MLPH: variants seen among roughly 807,000 people sequenced by gnomAD.
MLPH encodes exophilin-3.
MLPH carries 51 observed loss-of-function variants against 72.1 expected under a neutral mutation model. The ratio of observed to expected loss-of-function variants is 0.71; its 90% CI spans 0.56 to 0.89. The LOEUF is 0.89. MLPH is among the 40% of genes least tolerant of loss of function. MLPH has a pLI of 0.00. For synonymous variants in MLPH, 301 were observed against 310.1 expected, an observed-to-expected ratio of 0.97 and a Z score of 0.31; for missense variants, 743 against 759.9, an observed-to-expected ratio of 0.98 and a Z score of 0.26.
intron 8 of MLPH, 23 bp downstream of exon 8, chr2:237,527,539 C>T: frequency 6.2e-7 from 1 of 1,613,934 alleles, no homozygotes; most frequent in South Asian, 1.1e-5. Flanking sequence ...GGAAAGACTT[C>T]TGTCTTGTCG....
intron 8 of MLPH, among the ~76,000 whole-genome samples, chr2:237,534,254 C>G (rs1049224377): frequency 1.2e-4 from 18 of 152,214 alleles, no homozygotes; most frequent in African/African-American, 3.6e-4. Flanking sequence ...TGGCTGTCCA[C>G]AGTAATGACA....
intron 2 of MLPH, among the ~76,000 whole-genome samples, chr2:237,496,297 T>TG (rs1188603851): frequency 2.0e-5 from 3 of 152,170 alleles, no homozygotes; most frequent in Non-Finnish European, 4.4e-5. Flanking sequence ...AAGTGGGGCC[T>TG]GGGGGTCCCG....
At chr2:237,490,362 G>A (rs73098871) in intron 1 of MLPH, among the ~76,000 whole-genome samples, 4,122 of 152,258 alleles carry the variant, frequency 0.027, 75 homozygotes, top group African/African-American at 0.051. Context: ...TTTGAAAGGG[G>A]ATAGAATGGG....
At chr2:237,546,352 G>C in intron 12 of MLPH, 1 of 523,578 alleles carries the variant, frequency 1.9e-6, no homozygotes. Flanking sequence ...GGTGATTGTG[G>C]AGTCTCAAGA....
chr2:237,525,703 G>T lies in MLPH; in HGVS notation c.778G>T (p.Glu260Ter). Reference protein sequence around the residue: ...GASGCHSHPEEQPTSISPSRH... With the variant: ...GASGCHSHPE ...CTCTGGGTGCCACTCCCATCCGGAA[G>T]AGCAGCCGACCAGCATCTCACCTTC... Residue 260 changes from glutamate (E) to a stop codon, truncating the protein, a stop_gained, in exon 7 of 16, where the codon GAG (glutamate) becomes TAG (stop). Coordinates refer to ENST00000264605, the MANE Select transcript of MLPH (RefSeq NM_024101.7). LOFTEE classifies it high-confidence loss of function. The T allele has an allele frequency of 2.5e-6, 4 of 1,614,218 alleles. No homozygotes were observed. Among genetic ancestry groups the T allele is most frequent in the Non-Finnish European group, 3.4e-6 (4 of 1,180,052 alleles).
intron 6 of MLPH, among the ~76,000 whole-genome samples, chr2:237,521,380 A>G (rs1434936812): frequency 6.6e-6 from 1 of 152,032 alleles, no homozygotes; most frequent in Non-Finnish European, 1.5e-5. Flanking sequence ...AGGGAGGAGG[A>G]GGTGAGGGGT....
rs2079919070 is a variant in MLPH, at chr2:237,512,183, C to T, written c.445+1082C>T. Among the ~76,000 whole-genome samples, 11 of 152,232 alleles carry T rather than the reference C, an allele frequency of 7.2e-5. No homozygotes were observed. Among genetic ancestry groups the T allele is most frequent in the Admixed American group, 5.2e-4 (8 of 15,288 alleles). ...CGTCCTCACCATGCCCCAGCCCAGGCGTCTCCCCCAGGCCTTCCTTCTGGA... is the reference window on the plus strand; with the variant it reads ...CGTCCTCACCATGCCCCAGCCCAGGTGTCTCCCCCAGGCCTTCCTTCTGGA... On this transcript the variant is annotated intron_variant, in intron 4 of 15. Transcript: ENST00000264605. This position sits in a 1 kb window ranked among gnomAD's most constrained non-coding sequence, Gnocchi z 5.5.
At chr2:237,516,267 C>T (rs192907506) in intron 4 of MLPH, among the ~76,000 whole-genome samples, 11 of 152,318 alleles carry the variant, frequency 7.2e-5, no homozygotes, top group Admixed American at 7.2e-4. Flanking sequence ...TTTCCTAAAT[C>T]ACTTGCCACA....
intron 4 of MLPH, among the ~76,000 whole-genome samples, chr2:237,513,198 A>G (rs2079944004): frequency 6.6e-6 from 1 of 152,158 alleles, no homozygotes. Context: ...CCAGCTAGTA[A>G]GTGGGCCTCT....
chr2:237,510,020 G>A lies in MLPH; in HGVS notation c.111-554G>A, dbSNP rs1365898868. On this transcript the variant is annotated intron_variant, in intron 2 of 15. Coordinates refer to ENST00000264605, the MANE Select transcript of MLPH (RefSeq NM_024101.7). The surrounding 1 kb of genome is among the most constrained non-coding windows in gnomAD (Gnocchi z 4.4). ...CTTTCCAATCAGTTCAACTTGGCAG[G>A]TTCACCAGGAAGCTGTGTTATTTAA... is the stretch of plus-strand genomic sequence containing the variant. 1 of 167,226 alleles carries A rather than the reference G, an allele frequency of 6.0e-6. No individual in the cohort carries two copies. 10.4% of individuals were successfully genotyped at this position (167,226 alleles called of 1,614,324 possible). A position where few individuals can be genotyped will look rare whatever the true frequency, so the allele number is the denominator to read the frequency against.
At chr2:237,550,926 A>C (rs1272578158) in intron 14 of MLPH, among the ~76,000 whole-genome samples, 1 of 151,824 alleles carries the variant, frequency 6.6e-6, no homozygotes, top group East Asian at 1.9e-4. Context: ...TGAAGGGTAG[A>C]CTCTGTCCTA....
intron 2 of MLPH, among the ~76,000 whole-genome samples, chr2:237,506,023 G>C (rs879527452): frequency 6.6e-6 from 1 of 152,104 alleles, no homozygotes; most frequent in African/African-American, 2.4e-5. Flanking sequence ...GTCTCCCATC[G>C]CTTAGTCCCT....
chr2:237,510,648 C>A lies in MLPH; in HGVS notation c.185C>A (p.Thr62Asn). The change falls in exon 3 of 16, where the codon ACC becomes AAC. Residue 62 changes from threonine (T) to asparagine (N), a missense_variant. Thr to Asn is a moderately conservative substitution (Grantham distance 65, BLOSUM62 0). Coordinates refer to ENST00000264605, the MANE Select transcript of MLPH (RefSeq NM_024101.7). The surrounding 1 kb of genome is among the most constrained non-coding windows in gnomAD (Gnocchi z 4.4). ...LLSDTAHLNETHCARCLQPYQ... is the reference protein window; with the variant it reads ...LLSDTAHLNENHCARCLQPYQ... The stretch of plus-strand genomic sequence containing the variant: ...TCCGACACTGCCCATCTGAACGAGA[C>A]CCACTGCGCCCGCTGCCTGCAGCCC... The A allele has an allele frequency of 6.2e-7, 1 of 1,613,792 alleles. No homozygotes were observed. The highest frequency in any genetic ancestry group is 8.5e-7 in the Non-Finnish European group (1 of 1,180,046).
intron 2 of MLPH, among the ~76,000 whole-genome samples, chr2:237,501,692 C>A (rs56905675): frequency 0.033 from 3,423 of 104,104 alleles, 53 homozygotes; most frequent in African/African-American, 0.051. Context: ...AAAAAAAATA[C>A]AAAAAAATTA....
In MLPH at chr2:237,532,940, G is replaced by A. The variant is rs748031372; in HGVS notation, c.1021-1624G>A. Among the ~76,000 whole-genome samples the A allele has an allele frequency of 5.9e-5, 9 of 152,160 alleles. 1 individual carries two copies. Among genetic ancestry groups the A allele is most frequent in the Non-Finnish European group, 1.2e-4 (8 of 68,042 alleles). ...GCTGAGAGATTGCAAAGACAGGAAG[G>A]CCTCTCAGCCCTTCTGCAGCCCGGC... On this transcript the variant is annotated intron_variant, in intron 8 of 15. Coordinates refer to ENST00000264605, the MANE Select transcript of MLPH (RefSeq NM_024101.7).
rs950916960 is a variant in MLPH at position 237,536,681 on chromosome 2, C to G, written c.1104+2034C>G. 2.0e-5 allele frequency among the ~76,000 whole-genome samples: 3 copies of G among 152,224 alleles called. No individual in the cohort carries two copies. The East Asian group carries it at 5.8e-4, about 29-fold the overall frequency. On this transcript the variant is annotated intron_variant, in intron 9 of 15. Coordinates refer to ENST00000264605, the MANE Select transcript of MLPH (RefSeq NM_024101.7). ...GCGGAACACTGACCCAGGTCTCACT[C>G]GGGCCTCGGCTCTGCCTCTCAGGTG...
intron 2 of MLPH, among the ~76,000 whole-genome samples, chr2:237,495,223 G>A (rs1308686989): frequency 6.6e-6 from 1 of 152,146 alleles, no homozygotes; most frequent in Non-Finnish European, 1.5e-5. Context: ...GGAGAAATAT[G>A]GTTACATTTA....
At chr2:237,551,226 C>T (rs1432983296) in intron 14 of MLPH, among the ~76,000 whole-genome samples, 1 of 152,262 alleles carries the variant, frequency 6.6e-6, no homozygotes, top group African/African-American at 2.4e-5. Flanking sequence ...GTGATTCCCT[C>T]CACAGAGGTT....
intron 4 of MLPH, 78 bp downstream of exon 4, chr2:237,511,179 CAT>C: frequency 3.6e-6 from 4 of 1,121,966 alleles, no homozygotes; most frequent in Non-Finnish European, 5.4e-6. Context: ...TTGGAGTGTG[CAT>C]GTGTGTGTGT....
Sources: gnomAD v4.1 joint callset for allele counts (sites outside exome capture counted in the v4.1 genomes callset) on GRCh38, gnomAD v4.1.1 for gene constraint, Gnocchi (gnomAD v3.1) non-coding constraint, MANE v1.5 for transcripts, NCBI Gene and HGNC (gene_info 2026-07-23, HGNC 2026-07-21) for gene names.